XPO4: variants seen among roughly 807,000 people sequenced by gnomAD.
XPO4 encodes exportin 4.
Under a neutral mutation model 143.0 loss-of-function variants are expected in XPO4, and 39 were observed. The ratio of observed to expected loss-of-function variants is 0.27; its 90% CI spans 0.21 to 0.36. The LOEUF is 0.36. XPO4 is among the 10% of genes least tolerant of loss of function. The pLI is 1.00. For missense variants in XPO4, 907 were observed against 1,348.0 expected, an observed-to-expected ratio of 0.67 and a Z score of 5.12; for synonymous variants, 439 against 474.0, an observed-to-expected ratio of 0.93 and a Z score of 0.96.
At chr13:20,881,767 AT>A (rs2060412463) in intron 1 of XPO4, among the ~76,000 whole-genome samples, 1 of 152,172 alleles carries the variant, frequency 6.6e-6, no homozygotes, top group African/African-American at 2.4e-5. Context: ...TAAAATATAC[AT>A]TAAAAACTCA....
At chr13:20,792,215 G>A (rs1179502964) in intron 18 of XPO4, among the ~76,000 whole-genome samples, 1 of 152,184 alleles carries the variant, frequency 6.6e-6, no homozygotes, top group Non-Finnish European at 1.5e-5. Context: ...GGAGGCTGAG[G>A]TGGGCAGATC....
In XPO4 at chr13:20,843,862, T is replaced by A. The variant is rs1309531809; in HGVS notation, c.481A>T (p.Thr161Ser). Residue 161 changes from threonine (T) to serine (S), a missense_variant, in exon 5 of 23, where the codon ACT (threonine) becomes TCT (serine). Coordinates refer to ENST00000255305, the MANE Select transcript of XPO4 (RefSeq NM_022459.5). ...TVQTLACSILTALLSEFSSSS... is the reference protein window; with the variant it reads ...TVQTLACSILSALLSEFSSSS... ...CTTGAAAATTCACTCAATAGCGCAGTCAGAATAGAACAGGCCAGAGTTTGC... is the reference window on the plus strand; with the variant it reads ...CTTGAAAATTCACTCAATAGCGCAGACAGAATAGAACAGGCCAGAGTTTGC... The A allele has an allele frequency of 6.2e-7, 1 of 1,613,142 alleles. No individual in the cohort carries two copies. Among genetic ancestry groups the A allele is most frequent in the East Asian group, 2.2e-5 (1 of 44,776 alleles).
At chr13:20,895,330 A>G (rs2060557743) in intron 1 of XPO4, among the ~76,000 whole-genome samples, 1 of 152,146 alleles carries the variant, frequency 6.6e-6, no homozygotes, top group South Asian at 2.1e-4. Context: ...CTATGCAGCC[A>G]TTCTTAGAAG....
At chr13:20,808,337 A>T in intron 12 of XPO4, 99 bp downstream of exon 12, 1 of 1,260,388 alleles carries the variant, frequency 7.9e-7, no homozygotes, top group Non-Finnish European at 1.0e-6. Flanking sequence ...ATTTTATCCA[A>T]TATTATATAT....
chr13:20,783,558 T>A lies in XPO4; in HGVS notation c.*164A>T, dbSNP rs1263580871. The stretch of plus-strand genomic sequence containing the variant: ...CTTAACAGCAGAAGCTGATGCCAAG[T>A]TGACCTCTCCTGTTTCACTGTATTA... On this transcript the variant is annotated 3_prime_UTR_variant, in exon 23 of 23. Coordinates refer to ENST00000255305, the MANE Select transcript of XPO4 (RefSeq NM_022459.5). 3.0e-6 allele frequency: 2 copies of A among 659,700 alleles called. No homozygotes were observed. Among genetic ancestry groups the A allele is most frequent in the Non-Finnish European group, 5.2e-6 (2 of 381,204 alleles). The allele number at this position is 659,700 out of a possible 1,614,324, so 40.9% of individuals were successfully genotyped here.
At chr13:20,878,208 G>T (rs149930255) in intron 1 of XPO4, among the ~76,000 whole-genome samples, 4 of 152,226 alleles carry the variant, frequency 2.6e-5, no homozygotes, top group African/African-American at 9.6e-5. Flanking sequence ...GAAGTTTGGG[G>T]TATCATTATA....
intron 2 of XPO4, among the ~76,000 whole-genome samples, chr13:20,864,626 G>C (rs922784022): frequency 6.6e-6 from 1 of 152,142 alleles, no homozygotes; most frequent in Non-Finnish European, 1.5e-5. Flanking sequence ...AAGATAGAGC[G>C]AATAAGCACT....
rs748822944 is a variant in XPO4, at chr13:20,796,791, T to G, written c.2589A>C (p.Ala863=). ...CTCCAAGATAGCATATCTGTTTATG[T>G]GCAACTTCAACAAAAACTTCTATAA... ...NLIIEVFVEV[A]HKQICYLGES... Residue 863 remains alanine, a synonymous_variant, in exon 17 of 23, where the codon GCA becomes GCC. Coordinates refer to ENST00000255305, the MANE Select transcript of XPO4 (RefSeq NM_022459.5). 1.2e-6 allele frequency: 2 copies of G among 1,613,196 alleles called. No individual in the cohort carries two copies. The highest frequency in any genetic ancestry group is 1.1e-5 in the South Asian group (1 of 90,928).
intron 1 of XPO4, among the ~76,000 whole-genome samples, chr13:20,885,663 A>G (rs7330520): frequency 0.43 from 64,822 of 152,108 alleles, 14,430 homozygotes; most frequent in Non-Finnish European, 0.49. Flanking sequence ...AAAAGTCCTC[A>G]TGCAATGGCT....
intron 1 of XPO4, among the ~76,000 whole-genome samples, chr13:20,897,351 G>C (rs11617848): frequency 6.6e-6 from 1 of 152,020 alleles, no homozygotes; most frequent in Non-Finnish European, 1.5e-5. Context: ...TATTCTCTCA[G>C]ACTATATTCC....
intron 3 of XPO4, chr13:20,857,059 A>G (rs922492631): frequency 3.7e-5 from 8 of 214,874 alleles, no homozygotes; most frequent in Non-Finnish European, 6.4e-5. Flanking sequence ...GACTGAAGTG[A>G]AAAAACATTC....
intron 3 of XPO4, among the ~76,000 whole-genome samples, chr13:20,858,408 G>A (rs891759273): frequency 2.0e-5 from 3 of 152,054 alleles, no homozygotes; most frequent in Non-Finnish European, 4.4e-5. Context: ...TGATGTCTGT[G>A]GCACTCTCGA....
At chr13:20,802,214 C>A (rs192797417) in intron 13 of XPO4, among the ~76,000 whole-genome samples, 29 of 152,200 alleles carry the variant, frequency 1.9e-4, no homozygotes, top group African/African-American at 7.0e-4. Flanking sequence ...CACACTACTA[C>A]ACCAGGCCGA....
chr13:20,834,106 C>T (rs1425458892), intron 6 of XPO4, among the ~76,000 whole-genome samples: 1 of 152,146 alleles, frequency 6.6e-6, no homozygotes, highest in Non-Finnish European at 1.5e-5. Flanking sequence ...TCTACCAAAT[C>T]ACAGAAACTG....
Position 20,902,653 on chromosome 13 carries a change from G to C in XPO4, c.69+17C>G. Reference sequence around the variant, plus strand: ...GGGCCCGCGAATCCCGGGGTCTGAGGGGCGCGGCGTCCTCACCATCAGAAC... The same window carrying C: ...GGGCCCGCGAATCCCGGGGTCTGAGCGGCGCGGCGTCCTCACCATCAGAAC... On this transcript the variant is annotated intron_variant, in intron 1 of 22. Coordinates refer to ENST00000255305, the MANE Select transcript of XPO4 (RefSeq NM_022459.5). 1 of 1,560,814 alleles carries C rather than the reference G, an allele frequency of 6.4e-7. No homozygotes were observed. The highest frequency in any genetic ancestry group is 8.7e-7 in the Non-Finnish European group (1 of 1,154,160).
chr13:20,874,521 TAACTC>T (rs1457316223), intron 1 of XPO4, among the ~76,000 whole-genome samples: 1 of 152,228 alleles, frequency 6.6e-6, no homozygotes, highest in Non-Finnish European at 1.5e-5. Context: ...TAATGCCAAC[TAACTC>T]AAGAGTGGGG....
chr13:20,805,202 C>G (rs1230747440), intron 13 of XPO4, among the ~76,000 whole-genome samples: 1 of 152,086 alleles, frequency 6.6e-6, no homozygotes. Flanking sequence ...ACATTGGCCT[C>G]CCAAAGTGCT....
At chr13:20,844,784 A>G in intron 4 of XPO4, among the ~76,000 whole-genome samples, 1 of 152,232 alleles carries the variant, frequency 6.6e-6, no homozygotes, top group Non-Finnish European at 1.5e-5. Context: ...ACTGGCAGGA[A>G]ATATCTGTTG....
intron 2 of XPO4, among the ~76,000 whole-genome samples, chr13:20,864,873 TAAA>T (rs80164979): frequency 8.4e-6 from 1 of 119,210 alleles, no homozygotes. Context: ...AATGGAGGAA[TAAA>T]AAAAAAAAAA....
Sources: allele counts gnomAD v4.1 joint callset (sites outside exome capture counted in the v4.1 genomes callset), GRCh38; gene constraint gnomAD v4.1.1; transcripts MANE v1.5; gene names NCBI Gene and HGNC (gene_info 2026-07-23, HGNC 2026-07-21).